The following GRIA4 variants were observed in gnomAD, a reference collection of about 807,000 sequenced individuals.
GRIA4 encodes the protein glutamate ionotropic receptor AMPA type subunit 4, also known as glutamate receptor 4.
A neutral mutation model predicts 104.0 loss-of-function variants in GRIA4; 34 were observed. The ratio of observed to expected loss-of-function variants is 0.33; its 90% confidence interval spans 0.25 to 0.44. The LOEUF is 0.44. Among genes scored for constraint, GRIA4 ranks in the 20% least tolerant of loss-of-function variants. GRIA4 has a pLI of 1.00. For synonymous variants in GRIA4, 386 were observed against 381.9 expected (o/e 1.01, Z -0.13); for missense variants, 750 against 1,096.5 (o/e 0.68, Z 4.46).
intron 3 of GRIA4, among the ~76,000 whole-genome samples, chr11:105,696,214 C>A (rs1421126246): frequency 2.6e-5 from 4 of 152,096 alleles, no homozygotes; most frequent in Non-Finnish European, 5.9e-5. Context: ...TTCCCCTGAG[C>A]CCAAAAAGCA....
At chr11:105,640,610 G>A (rs1206039884) in intron 3 of GRIA4, among the ~76,000 whole-genome samples, 2 of 151,640 alleles carry the variant, frequency 1.3e-5, no homozygotes, top group East Asian at 3.8e-4. Flanking sequence ...TGTTTTAAAT[G>A]TTTTTATTTT....
intron 3 of GRIA4, among the ~76,000 whole-genome samples, chr11:105,673,660 T>A (rs569579395): frequency 6.6e-6 from 1 of 152,220 alleles, no homozygotes; most frequent in South Asian, 2.1e-4. Flanking sequence ...TGGCAGATCA[T>A]AATTTACTGC....
At chr11:105,703,889 G>A (rs1953595678) in intron 3 of GRIA4, among the ~76,000 whole-genome samples, 1 of 151,882 alleles carries the variant, frequency 6.6e-6, no homozygotes, top group Non-Finnish European at 1.5e-5. Context: ...TTCAAGTGCT[G>A]GAAATGAGTT....
chr11:105,871,343 A>C (rs935990696), intron 5 of GRIA4, among the ~76,000 whole-genome samples: 1 of 151,936 alleles, frequency 6.6e-6, no homozygotes, highest in Non-Finnish European at 1.5e-5. Flanking sequence ...TTAAGTTTTG[A>C]CTGGCCTGTG....
intron 6 of GRIA4, among the ~76,000 whole-genome samples, chr11:105,894,654 A>G (rs1211879086): frequency 6.6e-6 from 1 of 152,010 alleles, no homozygotes; most frequent in Non-Finnish European, 1.5e-5. Context: ...AAGGAGGAGG[A>G]GGAGGAGGGA....
At chr11:105,889,879 T>A (rs573390126) in intron 6 of GRIA4, among the ~76,000 whole-genome samples, 13 of 152,256 alleles carry the variant, frequency 8.5e-5, no homozygotes, top group African/African-American at 3.1e-4. Flanking sequence ...GCAATAATAT[T>A]CTAAAAATTA....
intron 14 of GRIA4, among the ~76,000 whole-genome samples, chr11:105,964,558 A>G (rs1220564281): frequency 3.3e-5 from 5 of 152,168 alleles, no homozygotes; most frequent in Non-Finnish European, 5.9e-5. Context: ...GCTTTATTTT[A>G]CCTATAATTC....
chr11:105,642,249 T>C (rs1258389502), intron 3 of GRIA4, among the ~76,000 whole-genome samples: 1 of 152,114 alleles, frequency 6.6e-6, no homozygotes, highest in Non-Finnish European at 1.5e-5. Context: ...CTTGCTGTGC[T>C]GTTGCATATT....
At chr11:105,716,233 A>T (rs1181466144) in intron 3 of GRIA4, among the ~76,000 whole-genome samples, 1 of 152,188 alleles carries the variant, frequency 6.6e-6, no homozygotes, top group African/African-American at 2.4e-5. Flanking sequence ...AAACCATTAT[A>T]TCTTGTGGAA....
intron 4 of GRIA4, among the ~76,000 whole-genome samples, chr11:105,827,210 T>C (rs961836230): frequency 1.3e-5 from 2 of 152,006 alleles, no homozygotes; most frequent in East Asian, 3.9e-4. Context: ...GGTAATTCCA[T>C]AGTTTCTACT....
At chr11:105,972,633 C>G (rs1338839927) in intron 15 of GRIA4, among the ~76,000 whole-genome samples, 3 of 151,704 alleles carry the variant, frequency 2.0e-5, no homozygotes, top group African/African-American at 7.3e-5. Flanking sequence ...TCTAAGATCT[C>G]TTAATCATAA....
At chr11:105,975,755 G>C (rs1385196497) in intron 16 of GRIA4, among the ~76,000 whole-genome samples, 1 of 151,992 alleles carries the variant, frequency 6.6e-6, no homozygotes, top group Non-Finnish European at 1.5e-5. Flanking sequence ...AGCTAAACAC[G>C]CTTGATTTTT....
At chr11:105,888,261 A>ATG (rs1946339027) in intron 6 of GRIA4, among the ~76,000 whole-genome samples, 1 of 85,280 alleles carries the variant, frequency 1.2e-5, no homozygotes, top group Non-Finnish European at 2.4e-5. Context: ...GAAGTTAAGG[A>ATG]TGTTTTCTCC....
chr11:105,837,930 A>T (rs1944253820), intron 4 of GRIA4, among the ~76,000 whole-genome samples: 1 of 152,090 alleles, frequency 6.6e-6, no homozygotes, highest in Admixed American at 6.6e-5. Flanking sequence ...ATACACTCCT[A>T]ATGGGACGAA....
At chr11:105,974,497 A>G (rs368202685) in intron 16 of GRIA4, 53 bp downstream of exon 16, 23 of 1,613,840 alleles carry the variant, frequency 1.4e-5, no homozygotes, top group Non-Finnish European at 1.9e-5. Context: ...AATACCCAGA[A>G]TTTAGCAACC....
At chr11:105,775,882 T>G (rs1484816236) in intron 4 of GRIA4, among the ~76,000 whole-genome samples, 2 of 152,082 alleles carry the variant, frequency 1.3e-5, no homozygotes, top group Non-Finnish European at 2.9e-5. Context: ...TTTGAGAAAA[T>G]TTTGTAATAC....
intron 10 of GRIA4, chr11:105,912,848 T>G: frequency 1.0e-6 from 1 of 982,972 alleles, no homozygotes. Flanking sequence ...ATAAACAAGA[T>G]ATTGGCATCT....
intron 11 of GRIA4, 62 bp from the exon 12 acceptor site, chr11:105,924,337 A>G: frequency 2.4e-6 from 3 of 1,258,218 alleles, no homozygotes; most frequent in Non-Finnish European, 3.3e-6. Context: ...GGATCATTCC[A>G]GTGCTAATTG....
chr11:105,633,119 A>G (rs960434433), intron 3 of GRIA4, among the ~76,000 whole-genome samples: 11 of 152,214 alleles, frequency 7.2e-5, no homozygotes, highest in Non-Finnish European at 1.0e-4. Context: ...TGTTACAAGA[A>G]AGGTAACTTC....
Sources: gnomAD v4.1 joint callset for allele counts (sites outside exome capture counted in the v4.1 genomes callset) on GRCh38, gnomAD v4.1.1 for gene constraint, MANE v1.5 for transcripts, NCBI Gene and HGNC (gene_info 2026-07-23, HGNC 2026-07-21) for gene names.